CLIC6: variants seen among roughly 807,000 people sequenced by gnomAD.
The protein encoded by CLIC6 is CLIC family member 6.
A neutral mutation model predicts 49.2 loss-of-function variants in CLIC6; 39 were observed. That is an observed-to-expected ratio of 0.79 (90% CI 0.61 to 1.04). The LOEUF is 1.04. CLIC6 is among the 50% of genes least tolerant of loss of function. CLIC6 has a pLI of 0.00. For missense variants in CLIC6, 988 were observed against 993.1 expected (o/e 0.99, Z 0.07); for synonymous variants, 446 against 433.4 (o/e 1.03, Z -0.36).
In CLIC6 at chr21:34,669,733, C is replaced by G. The variant is rs139579211; in HGVS notation, c.345C>G (p.Arg115=). The G allele has an allele frequency of 5.8e-6, 8 of 1,382,968 alleles. No individual in the cohort carries two copies. Among genetic ancestry groups the G allele is most frequent in the Non-Finnish European group, 7.4e-6 (8 of 1,078,488 alleles). The allele number at this position is 1,382,968 out of a possible 1,614,324, so 85.7% of individuals were successfully genotyped here. ...AQQVEGASPG[R]GAQGEPRGEA... is the part of the protein sequence containing the mutation. ...AGGTGGAGGGGGCGAGCCCGGGACG[C>G]GGCGCGCAGGGCGAGCCCCGCGGGG... Residue 115 remains arginine, a synonymous_variant, in exon 1 of 6, where the codon CGC becomes CGG. Transcript: ENST00000349499.
intron 1 of CLIC6, among the ~76,000 whole-genome samples, chr21:34,698,048 C>CT (rs1378799141): frequency 6.7e-6 from 1 of 149,570 alleles, no homozygotes; most frequent in Non-Finnish European, 1.5e-5. Context: ...TTCGCTGTCT[C>CT]TATAGGAGCT....
At position 34,670,689 on chromosome 21, in the gene CLIC6, G is replaced by A; in HGVS notation, c.1301G>A (p.Gly434Asp). 1 of 1,581,248 alleles carries A rather than the reference G, an allele frequency of 6.3e-7. No individual in the cohort carries two copies. Among genetic ancestry groups the A allele is most frequent in the Non-Finnish European group, 8.6e-7 (1 of 1,167,676 alleles). Residue 434 changes from glycine (G) to aspartate (D), a missense_variant, in exon 1 of 6, where the codon GGC becomes GAC. This residue lies in a region of CLIC6 where 647 missense variants were observed against 596.9 expected (regional missense o/e 1.08). Coordinates refer to ENST00000349499, the MANE Select transcript of CLIC6 (RefSeq NM_053277.3). ...EGSGEAARVN[G>D]RREDGEASEP... is the part of the protein sequence containing the mutation. ...AGCGGCGAGGCCGCGCGCGTGAACG[G>A]CCGCCGGGAGGACGGAGAGGCGTCC...
intron 1 of CLIC6, among the ~76,000 whole-genome samples, chr21:34,689,426 C>G (rs1989946789): frequency 6.6e-6 from 1 of 152,172 alleles, no homozygotes; most frequent in Non-Finnish European, 1.5e-5. Context: ...CAGAACAACA[C>G]CAGAGATGGC....
intron 1 of CLIC6, among the ~76,000 whole-genome samples, chr21:34,688,526 G>C (rs1487690613): frequency 6.6e-6 from 1 of 152,226 alleles, no homozygotes; most frequent in Admixed American, 6.5e-5. Context: ...CTCTGCCCTT[G>C]TCCCTTTCAT....
intron 1 of CLIC6, among the ~76,000 whole-genome samples, chr21:34,674,508 C>T (rs537860616): frequency 6.6e-6 from 1 of 152,318 alleles, no homozygotes; most frequent in African/African-American, 2.4e-5. Context: ...AATTAGCCAT[C>T]TAATATATTC....
chr21:34,689,570 C>T (rs896485723), intron 1 of CLIC6, among the ~76,000 whole-genome samples: 4 of 150,918 alleles, frequency 2.7e-5, no homozygotes, highest in Admixed American at 1.3e-4. Flanking sequence ...ACAAGTGTCT[C>T]GTTTGGTGAG....
At chr21:34,690,595 T>C (rs1415708086) in intron 1 of CLIC6, among the ~76,000 whole-genome samples, 2 of 152,136 alleles carry the variant, frequency 1.3e-5, no homozygotes, top group East Asian at 1.9e-4. Context: ...AGGTGGCAGA[T>C]GAAGTGACTC....
Position 34,716,497 on chromosome 21 carries a change from C to T in CLIC6, c.*15C>T. 6.3e-7 allele frequency: 1 copy of T among 1,598,524 alleles called. No individual in the cohort carries two copies. The highest frequency in any genetic ancestry group is 2.3e-5 in the East Asian group (1 of 44,308). ...GAATGAAATGAAGCTGGGCTGTTTTCTGTCTTATTTCTCAGTTGAGTGAGC... is the reference window on the plus strand; with the variant it reads ...GAATGAAATGAAGCTGGGCTGTTTTTTGTCTTATTTCTCAGTTGAGTGAGC... On this transcript the variant is annotated 3_prime_UTR_variant, in exon 6 of 6. Coordinates refer to ENST00000349499, the MANE Select transcript of CLIC6 (RefSeq NM_053277.3).
chr21:34,714,840 A>T (rs2056077456), intron 5 of CLIC6, among the ~76,000 whole-genome samples: 1 of 152,226 alleles, frequency 6.6e-6, no homozygotes, highest in South Asian at 2.1e-4. Context: ...CAGAAGAAAG[A>T]AAACCAAGTT....
chr21:34,697,305 C>T (rs1391581407), intron 1 of CLIC6, among the ~76,000 whole-genome samples: 1 of 152,164 alleles, frequency 6.6e-6, no homozygotes, highest in Admixed American at 6.5e-5. Context: ...AAGGCCGTCC[C>T]TGTATTAGCT....
At position 34,700,340 on chromosome 21, in the gene CLIC6, C is replaced by G. The variant is rs13051825; in HGVS notation, c.1375-6940C>G. On this transcript the variant is annotated intron_variant, in intron 1 of 5. Transcript: ENST00000349499. ...CGGGCTCCTGTGGTCCCAGCTACTC[C>G]GGAGGCTGAGGCAGGAGAATGGCGT... Among the ~76,000 whole-genome samples, 31 of 134,390 alleles carry G rather than the reference C, an allele frequency of 2.3e-4. 6 individuals are homozygous for G. The highest frequency in any genetic ancestry group is 3.1e-4 in the African/African-American group (10 of 32,712). 88.2% of individuals were successfully genotyped at this position (134,390 alleles called of 152,430 possible).
intron 1 of CLIC6, among the ~76,000 whole-genome samples, chr21:34,690,168 TTCTC>T (rs1258744244): frequency 6.6e-6 from 1 of 152,074 alleles, no homozygotes; most frequent in Non-Finnish European, 1.5e-5. Flanking sequence ...GTGGGGATCT[TTCTC>T]TGGTCCGGCT....
Position 34,670,619 on chromosome 21 carries a change from G to A in CLIC6, c.1231G>A (p.Ala411Thr). The change falls in exon 1 of 6, where the codon GCC (alanine) becomes ACC (threonine). Residue 411 changes from alanine (A) to threonine (T), a missense_variant. By Grantham distance (58) the Ala-to-Thr change is moderately conservative. Transcript: ENST00000349499. ...CTCCAGGGGCGCCGCGGAGCCTGAG[G>A]CCCAGCTCAGCAACCACCTGGCCGA... ...EASRGAAEPEAQLSNHLAEEG... is the reference protein window; with the variant it reads ...EASRGAAEPETQLSNHLAEEG... The A allele has an allele frequency of 6.5e-7, 1 of 1,548,318 alleles. No individual in the cohort carries two copies. Among genetic ancestry groups the A allele is most frequent in the Admixed American group, 2.0e-5 (1 of 51,274 alleles).
At chr21:34,675,220 C>T (rs977033529) in intron 1 of CLIC6, among the ~76,000 whole-genome samples, 5 of 148,972 alleles carry the variant, frequency 3.4e-5, no homozygotes, top group Non-Finnish European at 7.4e-5. Context: ...TTTGAATAAG[C>T]ACTGTCACCC....
At chr21:34,699,598 T>C (rs1200154302) in intron 1 of CLIC6, among the ~76,000 whole-genome samples, 1 of 151,974 alleles carries the variant, frequency 6.6e-6, no homozygotes, top group Non-Finnish European at 1.5e-5. Flanking sequence ...TTAGAAATTG[T>C]TGCTTTTTGG....
intron 1 of CLIC6, among the ~76,000 whole-genome samples, chr21:34,674,143 G>T (rs1384605047): frequency 6.6e-6 from 1 of 152,132 alleles, no homozygotes; most frequent in East Asian, 1.9e-4. Flanking sequence ...TTGAGACAGG[G>T]TCTCACTATG....
intron 1 of CLIC6, among the ~76,000 whole-genome samples, chr21:34,696,840 A>G (rs955435009): frequency 6.6e-6 from 1 of 152,188 alleles, no homozygotes; most frequent in Non-Finnish European, 1.5e-5. Context: ...TGAGAAATGC[A>G]TGTAATTATG....
chr21:34,670,758 T>G lies in CLIC6; in HGVS notation c.1370T>G (p.Val457Gly). The change falls in exon 1 of 6, where the codon GTC (valine) becomes GGC (glycine). Residue 457 changes from valine (V) to glycine (G), a missense_variant. This residue lies in a region of CLIC6 where 647 missense variants were observed against 596.9 expected (regional missense o/e 1.08). Transcript: ENST00000349499. ...LGQEHDITLF[V>G]KAGYDGESIG... ...CAGGAGCACGACATCACCCTCTTCGTCAAGGTAAAGCTCGCTTCCCTCAAT... is the reference window on the plus strand; with the variant it reads ...CAGGAGCACGACATCACCCTCTTCGGCAAGGTAAAGCTCGCTTCCCTCAAT... 6.3e-7 allele frequency: 1 copy of G among 1,598,884 alleles called. No homozygotes were observed. The highest frequency in any genetic ancestry group is 1.1e-5 in the South Asian group (1 of 89,958).
At position 34,670,692 on chromosome 21, in the gene CLIC6, G is replaced by C; in HGVS notation, c.1304G>C (p.Arg435Pro). The C allele has an allele frequency of 6.3e-7, 1 of 1,583,316 alleles. No individual in the cohort carries two copies. ...GSGEAARVNG[R>P]REDGEASEPR... is the part of the protein sequence containing the mutation. ...GGCGAGGCCGCGCGCGTGAACGGCC[G>C]CCGGGAGGACGGAGAGGCGTCCGAG... The change falls in exon 1 of 6, where the codon CGC (arginine) becomes CCC (proline). Residue 435 changes from arginine to proline, a missense_variant. Coordinates refer to ENST00000349499, the MANE Select transcript of CLIC6 (RefSeq NM_053277.3).
Sources: allele counts gnomAD v4.1 joint callset (sites outside exome capture counted in the v4.1 genomes callset), GRCh38; gene constraint gnomAD v4.1.1; regional missense constraint gnomAD v4.1.1; transcripts MANE v1.5; gene names NCBI Gene and HGNC (gene_info 2026-07-23, HGNC 2026-07-21).